SEC22A: variants seen among roughly 807,000 people sequenced by gnomAD.
SEC22A encodes the protein SEC22 homolog A, vesicle trafficking protein.
Under a neutral mutation model 35.3 loss-of-function variants are expected in SEC22A, and 22 were observed. The ratio of observed to expected loss-of-function variants is 0.62; its 90% CI spans 0.45 to 0.89. The LOEUF is 0.89. Ranked by LOEUF, SEC22A falls within the 40% of genes least tolerant of loss-of-function variation. SEC22A has a pLI of 0.00. For missense variants in SEC22A, 354 were observed against 362.5 expected, an observed-to-expected ratio of 0.98 and a Z score of 0.19; for synonymous variants, 119 against 129.5, an observed-to-expected ratio of 0.92 and a Z score of 0.55.
At chr3:123,215,647 G>A (rs143117847) in intron 2 of SEC22A, among the ~76,000 whole-genome samples, 1 of 152,220 alleles carries the variant, frequency 6.6e-6, no homozygotes, top group East Asian at 1.9e-4. Flanking sequence ...GAATGTAAAG[G>A]AGCTCCTTCA....
chr3:123,231,755 A>G (rs1465053027), intron 4 of SEC22A, among the ~76,000 whole-genome samples: 1 of 152,230 alleles, frequency 6.6e-6, no homozygotes, highest in Non-Finnish European at 1.5e-5. Context: ...CTTTCCACTT[A>G]AAGATAATGG....
chr3:123,235,261 G>A (rs28884192), intron 4 of SEC22A, among the ~76,000 whole-genome samples: 29,864 of 151,994 alleles, frequency 0.2, 3,031 homozygotes, highest in Middle Eastern at 0.28. Context: ...CACAATGGGA[G>A]AAAATACTTG....
Position 123,241,879 on chromosome 3 carries a change from G to A in SEC22A, c.542-4020G>A, listed in dbSNP as rs527243326. 8.6e-5 allele frequency among the ~76,000 whole-genome samples: 13 copies of A among 151,774 alleles called. No homozygotes were observed. The South Asian group carries it at 2.7e-3, about 32-fold the overall frequency. ...GAGATCATTAAGTAAAATAAGCCAG[G>A]CACAGAAAGACAAACATTGCATGTT... On this transcript the variant is annotated intron_variant, in intron 4 of 6. Transcript: ENST00000492595.
At chr3:123,230,739 C>A (rs1937312006) in intron 4 of SEC22A, among the ~76,000 whole-genome samples, 2 of 137,760 alleles carry the variant, frequency 1.5e-5, no homozygotes, top group Admixed American at 7.1e-5. Flanking sequence ...AGGGATAGAG[C>A]CAAAAAAGGC....
intron 5 of SEC22A, among the ~76,000 whole-genome samples, chr3:123,248,161 G>A (rs757270892): frequency 6.6e-6 from 1 of 152,154 alleles, no homozygotes; most frequent in Non-Finnish European, 1.5e-5. Flanking sequence ...GGGCAAGGAT[G>A]TCCCCACTTA....
At chr3:123,210,706 T>C (rs1936927988) in intron 2 of SEC22A, among the ~76,000 whole-genome samples, 1 of 152,216 alleles carries the variant, frequency 6.6e-6, no homozygotes, top group South Asian at 2.1e-4. Context: ...ATGTCTGATA[T>C]CAAGCTGGAT....
At chr3:123,239,640 A>G (rs1001579191) in intron 4 of SEC22A, among the ~76,000 whole-genome samples, 1 of 152,030 alleles carries the variant, frequency 6.6e-6, no homozygotes, top group Non-Finnish European at 1.5e-5. Flanking sequence ...TGAGAAGTGT[A>G]TGTTCATATC....
chr3:123,230,235 C>T (rs2108056711), intron 4 of SEC22A, among the ~76,000 whole-genome samples: 1 of 152,150 alleles, frequency 6.6e-6, no homozygotes, highest in East Asian at 1.9e-4. Flanking sequence ...TCATTTGGGC[C>T]TATAACATAT....
In SEC22A at chr3:123,209,402, A is replaced by G. The variant is rs755372680; in HGVS notation, c.182+3A>G. 6 of 1,603,530 alleles carry G rather than the reference A, an allele frequency of 3.7e-6. No homozygotes were observed. Among genetic ancestry groups the G allele is most frequent in the South Asian group, 1.1e-5 (1 of 90,514 alleles). ...AAAACTGGACATTATAACATTAAGT[A>G]AGACTTCAGTTTGCTTCATTTGACT... On this transcript the variant is annotated splice_donor_region_variant and intron_variant, in intron 2 of 6. Coordinates refer to ENST00000492595, the MANE Select transcript of SEC22A (RefSeq NM_012430.5).
In SEC22A at chr3:123,260,131, C is replaced by CAAAAAAAAAAAAAAAAAAA. The variant is rs533386545; in HGVS notation, c.723+562_723+580dup. Among the ~76,000 whole-genome samples the CAAAAAAAAAAAAAAAAAAA allele has an allele frequency of 3.2e-4, 16 of 49,784 alleles. 1 individual carries two copies. Among genetic ancestry groups the CAAAAAAAAAAAAAAAAAAA allele is most frequent in the South Asian group, 1.0e-3 (1 of 978 alleles). 32.7% of individuals were successfully genotyped at this position (49,784 alleles called of 152,430 possible). On this transcript the variant is annotated intron_variant, in intron 6 of 6. Transcript: ENST00000492595. ...TGGGCAACAGAGCGAGACTACATCT[C>CAAAAAAAAAAAAAAAAAAA]AAAAAAAAAAAAAAAAAAAAAAAAA...
chr3:123,250,694 CCT>C (rs1248789234), intron 5 of SEC22A, among the ~76,000 whole-genome samples: 1 of 152,156 alleles, frequency 6.6e-6, no homozygotes, highest in African/African-American at 2.4e-5. Flanking sequence ...AAATGTATGC[CCT>C]CTCAGAACAA....
chr3:123,228,919 C>CGATTTG (rs1937264697), intron 4 of SEC22A, among the ~76,000 whole-genome samples: 1 of 151,690 alleles, frequency 6.6e-6, no homozygotes, highest in Non-Finnish European at 1.5e-5. Flanking sequence ...GAAGAGTTAG[C>CGATTTG]AATTTGAAGA....
chr3:123,223,802 G>C, intron 3 of SEC22A, 80 bp downstream of exon 3: 1 of 986,908 alleles, frequency 1.0e-6, no homozygotes, highest in Non-Finnish European at 1.5e-6. Flanking sequence ...TTGGGTGGAG[G>C]GGGGACTTCT....
intron 2 of SEC22A, among the ~76,000 whole-genome samples, chr3:123,221,757 G>T: frequency 7.0e-6 from 1 of 142,204 alleles, no homozygotes; most frequent in African/African-American, 2.6e-5. Context: ...TTTAATTTCT[G>T]AATTTATTTA....
At chr3:123,225,566 G>A (rs767666092) in intron 4 of SEC22A, among the ~76,000 whole-genome samples, 2 of 152,012 alleles carry the variant, frequency 1.3e-5, no homozygotes, top group Non-Finnish European at 2.9e-5. Context: ...ATTTTCATGG[G>A]TACATATTCG....
rs562544615 is a variant in SEC22A, at chr3:123,214,093, G to A, written c.182+4694G>A. Among the ~76,000 whole-genome samples, 395 of 152,304 alleles carry A rather than the reference G, an allele frequency of 2.6e-3. 1 individual carries two copies. The highest frequency in any genetic ancestry group is 3.7e-3 in the Non-Finnish European group (253 of 68,032). On this transcript the variant is annotated intron_variant, in intron 2 of 6. Transcript: ENST00000492595. ...ATCTCTAATCCAAGCTACTCAGGAG[G>A]CTGAGGCAAGAGAATCACTTGAACC...
intron 1 of SEC22A, chr3:123,208,447 C>G (rs186419338): frequency 1.3e-5 from 2 of 152,278 alleles, no homozygotes; most frequent in Admixed American, 1.3e-4. Context: ...ATTTTGAGAA[C>G]TGTTTGTACC....
At chr3:123,256,791 G>A (rs1325192380) in intron 5 of SEC22A, among the ~76,000 whole-genome samples, 18 of 126,268 alleles carry the variant, frequency 1.4e-4, no homozygotes, top group Non-Finnish European at 7.8e-5. Flanking sequence ...GTGGATTCTC[G>A]CTCTGTCACC....
chr3:123,256,613 G>A (rs1022805407), intron 5 of SEC22A, among the ~76,000 whole-genome samples: 2 of 152,036 alleles, frequency 1.3e-5, no homozygotes, highest in Non-Finnish European at 2.9e-5. Flanking sequence ...AGAATTAGAT[G>A]TGTCTCCATT....
Sources: gnomAD v4.1 joint callset for allele counts (sites outside exome capture counted in the v4.1 genomes callset) on GRCh38, gnomAD v4.1.1 for gene constraint, MANE v1.5 for transcripts, NCBI Gene and HGNC (gene_info 2026-07-23, HGNC 2026-07-21) for gene names.